The following POFUT2 variants were observed in gnomAD, a reference collection of about 807,000 sequenced individuals.
The protein encoded by POFUT2 is protein O-fucosyltransferase 2, also known as GDP-fucose protein O-fucosyltransferase 2.
POFUT2 carries 30 observed loss-of-function variants against 55.0 expected under a neutral mutation model. The ratio of observed to expected loss-of-function variants is 0.55; its 90% CI spans 0.41 to 0.74. POFUT2 has a LOEUF of 0.74. Among genes scored for constraint, POFUT2 ranks in the 30% least tolerant of loss-of-function variants. POFUT2 has a pLI of 0.00. For missense variants in POFUT2, 524 were observed against 562.6 expected (o/e 0.93, Z 0.69); for synonymous variants, 267 against 231.1 (o/e 1.16, Z -1.41).
intron 6 of POFUT2, among the ~76,000 whole-genome samples, chr21:45,271,682 T>A (rs1368040308): frequency 2.0e-5 from 3 of 152,180 alleles, no homozygotes; most frequent in Non-Finnish European, 4.4e-5. Flanking sequence ...GGAAAACCTA[T>A]CAGATTCACA....
In POFUT2 at chr21:45,267,561, T is replaced by G. The variant is rs755508146; in HGVS notation, c.1136+29A>C. The G allele has an allele frequency of 5.6e-6, 9 of 1,613,964 alleles. No individual in the cohort carries two copies. The highest frequency in any genetic ancestry group is 8.5e-7 in the Non-Finnish European group (1 of 1,180,032). On this transcript the variant is annotated intron_variant, in intron 8 of 8. Coordinates refer to ENST00000349485, the MANE Select transcript of POFUT2 (RefSeq NM_133635.6). This position sits in a 1 kb window ranked among gnomAD's most constrained non-coding sequence, Gnocchi z 4.4. Reference sequence around the variant, plus strand: ...AACCTTTGAAAGCCACCCGACCCGCTCTCGGCCGACAGTGACGTGGGCAGG... The same window carrying G: ...AACCTTTGAAAGCCACCCGACCCGCGCTCGGCCGACAGTGACGTGGGCAGG...
chr21:45,287,645 ATCTCCCTGGCCCCTG>A, intron 1 of POFUT2, 81 bp downstream of exon 1: 1 of 870,642 alleles, frequency 1.1e-6, no homozygotes, highest in Non-Finnish European at 1.4e-6. Flanking sequence ...ACCCCATCCC[ATCTCCCTGGCCCCTG>A]ACCCCGCCCC....
Position 45,265,121 on chromosome 21 carries a change from A to C in POFUT2, c.*361T>G, listed in dbSNP as rs2093141718. On this transcript the variant is annotated 3_prime_UTR_variant, in exon 9 of 9. Transcript: ENST00000349485. The surrounding 1 kb of genome is among the most constrained non-coding windows in gnomAD (Gnocchi z 4.6). ...ACCCGCCTGCATCTATCCTCAATGC[A>C]CTTAAAATATGAAGACATGAAAGGT... is the stretch of plus-strand genomic sequence containing the variant. 5.4e-6 allele frequency: 1 copy of C among 184,118 alleles called. No homozygotes were observed. Among genetic ancestry groups the C allele is most frequent in the Non-Finnish European group, 1.1e-5 (1 of 89,494 alleles). 11.4% of individuals were successfully genotyped at this position (184,118 alleles called of 1,614,324 possible).
intron 2 of POFUT2, 92 bp from the exon 3 acceptor site, chr21:45,283,619 C>G (rs1414098586): frequency 1.6e-6 from 2 of 1,271,634 alleles, no homozygotes; most frequent in Non-Finnish European, 2.3e-6. Flanking sequence ...ACTCTTACTA[C>G]TGTACACCAC....
Position 45,283,214 on chromosome 21 carries a change from G to C in POFUT2, c.527+169C>G, listed in dbSNP as rs572415856. 336 of 440,800 alleles carry C rather than the reference G, an allele frequency of 7.6e-4. 1 individual carries two copies. Among genetic ancestry groups the C allele is most frequent in the Middle Eastern group, 6.8e-3 (10 of 1,460 alleles). The allele number at this position is 440,800 out of a possible 1,614,324, so 27.3% of individuals were successfully genotyped here. A position where few individuals can be genotyped will look rare whatever the true frequency, so the allele number is the denominator to read the frequency against. On this transcript the variant is annotated intron_variant, in intron 3 of 8. Coordinates refer to ENST00000349485, the MANE Select transcript of POFUT2 (RefSeq NM_133635.6). Reference sequence around the variant, plus strand: ...GCGGTTGCGGCCGGGGGGAGTGGGGGGTGAAGACACCGTGGCGGGGGGAGG... The same window carrying C: ...GCGGTTGCGGCCGGGGGGAGTGGGGCGTGAAGACACCGTGGCGGGGGGAGG...
At position 45,282,454 on chromosome 21, in the gene POFUT2, C is replaced by T. The variant is rs1442845025; in HGVS notation, c.533G>A (p.Trp178Ter). ...SQDKHEYYRG[W>*]FWGYEETRGL... ...CCTGGTCTCCTCATAACCCCAAAAC[C>T]ATCCTCTGGAAAACAAAACCCACAG... Residue 178 changes from tryptophan to a stop codon, truncating the protein, a stop_gained, in exon 4 of 9, where the codon TGG (tryptophan) becomes TAG (stop). Coordinates refer to ENST00000349485, the MANE Select transcript of POFUT2 (RefSeq NM_133635.6). LOFTEE classifies it high-confidence loss of function. The surrounding 1 kb of genome is among the most constrained non-coding windows in gnomAD (Gnocchi z 4.6). 5 of 1,598,652 alleles carry T rather than the reference C, an allele frequency of 3.1e-6. No individual in the cohort carries two copies. The highest frequency in any genetic ancestry group is 1.1e-5 in the South Asian group (1 of 90,792).
chr21:45,266,249 A>C, intron 8 of POFUT2: 2 of 1,367,548 alleles, frequency 1.5e-6, no homozygotes, highest in Non-Finnish European at 2.0e-6. Context: ...AGCAAACCCC[A>C]GAGATGTTTC....
intron 6 of POFUT2, among the ~76,000 whole-genome samples, chr21:45,276,479 T>C (rs541461132): frequency 2.6e-4 from 40 of 152,232 alleles, no homozygotes; most frequent in Admixed American, 7.2e-4. Flanking sequence ...TTAAAAACAA[T>C]ATCAAGTTGA....
At chr21:45,275,465 C>T (rs1254549168) in intron 6 of POFUT2, among the ~76,000 whole-genome samples, 1 of 152,206 alleles carries the variant, frequency 6.6e-6, no homozygotes, top group Non-Finnish European at 1.5e-5. Flanking sequence ...AAGACACTTG[C>T]ATATGCATGT....
intron 4 of POFUT2, among the ~76,000 whole-genome samples, chr21:45,279,309 C>T (rs1354272861): frequency 6.6e-6 from 1 of 152,078 alleles, no homozygotes; most frequent in East Asian, 1.9e-4. Flanking sequence ...ACAGGAGAAT[C>T]GCTTGAACCC....
rs1245668664 is a variant in POFUT2, at chr21:45,282,947, A to ATGTGCC, written c.527+435_527+436insGGCACA. 23 of 472,626 alleles carry ATGTGCC rather than the reference A, an allele frequency of 4.9e-5. No homozygotes were observed. Among genetic ancestry groups the ATGTGCC allele is most frequent in the Non-Finnish European group, 1.0e-4 (23 of 228,444 alleles). The allele number at this position is 472,626 out of a possible 1,614,324, so 29.3% of individuals were successfully genotyped here. A position where few individuals can be genotyped will look rare whatever the true frequency, so the allele number is the denominator to read the frequency against. On this transcript the variant is annotated intron_variant, in intron 3 of 8. Coordinates refer to ENST00000349485, the MANE Select transcript of POFUT2 (RefSeq NM_133635.6). This position sits in a 1 kb window ranked among gnomAD's most constrained non-coding sequence, Gnocchi z 4.6. ...TGACAAGACCTCCATCCCTGTGGCA[A>ATGTGCC]CATCCAAATGCATGAAAAGACACAG...
chr21:45,273,759 C>T (rs543194520), intron 6 of POFUT2, among the ~76,000 whole-genome samples: 26 of 152,196 alleles, frequency 1.7e-4, no homozygotes, highest in Admixed American at 1.3e-3. Flanking sequence ...TGACAAAATC[C>T]GGCATTGCTT....
At position 45,282,601 on chromosome 21, in the gene POFUT2, G is replaced by T; in HGVS notation, c.528-142C>A. The stretch of plus-strand genomic sequence containing the variant: ...GGAAAACTTACTGATCGTGACTGCA[G>T]ATCGTGACATTCTAGTAAAATTTTA... On this transcript the variant is annotated intron_variant, in intron 3 of 8. Transcript: ENST00000349485. The surrounding 1 kb of genome is among the most constrained non-coding windows in gnomAD (Gnocchi z 4.6). The T allele has an allele frequency of 1.5e-6, 1 of 678,418 alleles. No individual in the cohort carries two copies. Among genetic ancestry groups the T allele is most frequent in the Non-Finnish European group, 2.7e-6 (1 of 374,764 alleles). 42.0% of individuals were successfully genotyped at this position (678,418 alleles called of 1,614,324 possible).
rs2030750164 is a variant in POFUT2, at chr21:45,282,197, C to G, written c.638+152G>C. 2 of 622,168 alleles carry G rather than the reference C, an allele frequency of 3.2e-6. No individual in the cohort carries two copies. Among genetic ancestry groups the G allele is most frequent in the Admixed American group, 2.9e-5 (1 of 34,708 alleles). 38.5% of individuals were successfully genotyped at this position (622,168 alleles called of 1,614,324 possible). A position where few individuals can be genotyped will look rare whatever the true frequency, so the allele number is the denominator to read the frequency against. ...CGCAGAGACACATGCAAGCACTTCC[C>G]TAACCACCACCCCCCAGGGCCCCCA... On this transcript the variant is annotated intron_variant, in intron 4 of 8. Transcript: ENST00000349485. This position sits in a 1 kb window ranked among gnomAD's most constrained non-coding sequence, Gnocchi z 4.6.
chr21:45,269,817 C>A, intron 7 of POFUT2, 22 bp downstream of exon 7: 1 of 1,579,232 alleles, frequency 6.3e-7, no homozygotes, highest in Non-Finnish European at 8.6e-7. Flanking sequence ...AGGAAAGAAA[C>A]GAAAGCATTG....
In POFUT2 at chr21:45,285,584, T is replaced by C. The variant is rs2031296887; in HGVS notation, c.382+94A>G. 3 of 1,484,592 alleles carry C rather than the reference T, an allele frequency of 2.0e-6. No homozygotes were observed. The East Asian group carries it at 6.8e-5, about 34-fold the overall frequency. 92.0% of individuals were successfully genotyped at this position (1,484,592 alleles called of 1,614,324 possible). On this transcript the variant is annotated intron_variant, in intron 2 of 8. Transcript: ENST00000349485. This position sits in a 1 kb window ranked among gnomAD's most constrained non-coding sequence, Gnocchi z 4.9. ...ACTGGAGGATGCTGGTGAGGCTGGA[T>C]GCAATCGTAAGCCCAACCTGATGTC...
rs575400763 is a variant in POFUT2, at chr21:45,281,186, C to G, written c.638+1163G>C. ...CCCCTGCTCCCCGGCAGAAGCGTTT[C>G]TCCTAAATCAGGACCATCTAGTTGG... On this transcript the variant is annotated intron_variant, in intron 4 of 8. Coordinates refer to ENST00000349485, the MANE Select transcript of POFUT2 (RefSeq NM_133635.6). This position sits in a 1 kb window ranked among gnomAD's most constrained non-coding sequence, Gnocchi z 5.0. 3.9e-5 allele frequency among the ~76,000 whole-genome samples: 6 copies of G among 152,300 alleles called. No homozygotes were observed. Among genetic ancestry groups the G allele is most frequent in the Admixed American group, 2.6e-4 (4 of 15,300 alleles).
Position 45,267,685 on chromosome 21 carries a change from G to T in POFUT2, c.1041C>A (p.Pro347=). The T allele has an allele frequency of 6.2e-7, 1 of 1,614,134 alleles. No homozygotes were observed. Reference sequence around the variant, plus strand: ...ACGTGGGTTCAAACCTCACCATCTCGGGTAACAGCTTTTTTAGCTCTTCAT... The same window carrying T: ...ACGTGGGTTCAAACCTCACCATCTCTGGTAACAGCTTTTTTAGCTCTTCAT... ...KEYEELKKLL[P]EMVRFEPTWE... The change falls in exon 8 of 9, where the codon CCC becomes CCA. Residue 347 remains proline (P), a synonymous_variant. Transcript: ENST00000349485. The surrounding 1 kb of genome is among the most constrained non-coding windows in gnomAD (Gnocchi z 4.4).
rs1433628638 is a variant in POFUT2 at position 45,276,242 on chromosome 21, GAATA to G, written c.831+771_831+774del. Among the ~76,000 whole-genome samples the G allele has an allele frequency of 5.4e-5, 7 of 130,624 alleles. No individual in the cohort carries two copies. The East Asian group carries it at 1.8e-3, about 33-fold the overall frequency. The allele number at this position is 130,624 out of a possible 152,430, so 85.7% of individuals were successfully genotyped here. A position where few individuals can be genotyped will look rare whatever the true frequency, so the allele number is the denominator to read the frequency against. ...ATAAAATTAAAAATAAAATTAAAAAGAATAAAAAAAAAACACTGAAAAGAAACAC... is the reference window on the plus strand; with the variant it reads ...ATAAAATTAAAAATAAAATTAAAAAGAAAAAAAAACACTGAAAAGAAACAC... On this transcript the variant is annotated intron_variant, in intron 6 of 8. Coordinates refer to ENST00000349485, the MANE Select transcript of POFUT2 (RefSeq NM_133635.6).
Sources: gnomAD v4.1 joint callset for allele counts (sites outside exome capture counted in the v4.1 genomes callset) on GRCh38, gnomAD v4.1.1 for gene constraint, Gnocchi (gnomAD v3.1) non-coding constraint, MANE v1.5 for transcripts, NCBI Gene and HGNC (gene_info 2026-07-23, HGNC 2026-07-21) for gene names.